The following LSAMP variants were observed in gnomAD, a reference collection of about 807,000 sequenced individuals.
LSAMP encodes the protein limbic system associated membrane protein.
Under a neutral mutation model 38.6 loss-of-function variants are expected in LSAMP, and 7 were observed. The ratio of observed to expected loss-of-function variants is 0.18; its 90% CI spans 0.10 to 0.34. The LOEUF (loss-of-function observed/expected upper bound fraction) is 0.34. Ranked by LOEUF, LSAMP falls within the 10% of genes least tolerant of loss-of-function variation. The pLI, the probability that LSAMP is intolerant of heterozygous loss-of-function variation, is 1.00. For missense variants in LSAMP, 313 were observed against 420.0 expected (o/e 0.75, Z 2.23); for synonymous variants, 154 against 166.8 (o/e 0.92, Z 0.59).
intron 1 of LSAMP, among the ~76,000 whole-genome samples, chr3:116,288,931 C>A (rs530294907): frequency 6.6e-6 from 1 of 152,102 alleles, no homozygotes. Context: ...ATGTTTAAAC[C>A]ATTTCACACA....
chr3:115,923,863 AT>A (rs1187161663), intron 3 of LSAMP, among the ~76,000 whole-genome samples: 4 of 152,124 alleles, frequency 2.6e-5, no homozygotes, highest in Non-Finnish European at 5.9e-5. Context: ...TCATTTTTAT[AT>A]TAGCATTCAT....
intron 1 of LSAMP, among the ~76,000 whole-genome samples, chr3:116,358,131 G>T (rs986892135): frequency 6.6e-6 from 1 of 152,088 alleles, no homozygotes; most frequent in African/African-American, 2.4e-5. Flanking sequence ...TCTAGATAGA[G>T]AATGCTTCAT....
At chr3:116,082,568 C>G (rs1707894443) in intron 2 of LSAMP, among the ~76,000 whole-genome samples, 1 of 152,152 alleles carries the variant, frequency 6.6e-6, no homozygotes, top group South Asian at 2.1e-4. Context: ...TTAAGAAGCT[C>G]TCTATGGTAG....
At chr3:116,173,406 G>T (rs1434729007) in intron 1 of LSAMP, among the ~76,000 whole-genome samples, 1 of 151,922 alleles carries the variant, frequency 6.6e-6, no homozygotes, top group Admixed American at 6.6e-5. Flanking sequence ...GACCAACTTG[G>T]GGATAACAAA....
At chr3:116,182,811 G>T (rs916942215) in intron 1 of LSAMP, among the ~76,000 whole-genome samples, 60 of 151,806 alleles carry the variant, frequency 4.0e-4, no homozygotes, top group African/African-American at 1.4e-3. Context: ...TCTCATAATA[G>T]ATATATTTCT....
chr3:116,388,901 A>G (rs1036070085), intron 1 of LSAMP, among the ~76,000 whole-genome samples: 1 of 152,198 alleles, frequency 6.6e-6, no homozygotes, highest in African/African-American at 2.4e-5. Flanking sequence ...AAAACAACAA[A>G]AACGACAAGA....
chr3:116,000,116 C>CT (rs1317933070), intron 3 of LSAMP, among the ~76,000 whole-genome samples: 2 of 152,100 alleles, frequency 1.3e-5, no homozygotes, highest in Admixed American at 1.3e-4. Context: ...AGATTCAAGC[C>CT]AGATTTTCTC....
intron 1 of LSAMP, among the ~76,000 whole-genome samples, chr3:116,352,729 T>C (rs2048159145): frequency 6.6e-6 from 1 of 152,140 alleles, no homozygotes; most frequent in Non-Finnish European, 1.5e-5. Flanking sequence ...TAACTAATTA[T>C]AAAATATATC....
At chr3:116,155,133 T>C (rs1424893308) in intron 1 of LSAMP, among the ~76,000 whole-genome samples, 1 of 152,146 alleles carries the variant, frequency 6.6e-6, no homozygotes, top group Non-Finnish European at 1.5e-5. Flanking sequence ...ATGCTAGTTA[T>C]AATCATTTAT....
chr3:116,168,795 TTTTAA>T (rs763948676), intron 1 of LSAMP, among the ~76,000 whole-genome samples: 3 of 152,190 alleles, frequency 2.0e-5, no homozygotes, highest in African/African-American at 7.2e-5. Context: ...AGGTACCAGT[TTTTAA>T]TTTAATTCCC....
At chr3:116,088,201 T>C (rs747257920) in intron 1 of LSAMP, among the ~76,000 whole-genome samples, 1 of 152,182 alleles carries the variant, frequency 6.6e-6, no homozygotes, top group Non-Finnish European at 1.5e-5. Flanking sequence ...TTTGACTTAA[T>C]AAGTTGGGTG....
At chr3:116,184,286 T>G in intron 1 of LSAMP, among the ~76,000 whole-genome samples, 1 of 151,988 alleles carries the variant, frequency 6.6e-6, no homozygotes, top group East Asian at 1.9e-4. Context: ...AGTTTACAGA[T>G]GAGAAAAGAG....
At chr3:116,293,833 T>A (rs1175485092) in intron 1 of LSAMP, among the ~76,000 whole-genome samples, 1 of 152,074 alleles carries the variant, frequency 6.6e-6, no homozygotes, top group African/African-American at 2.4e-5. Flanking sequence ...ACGGTTTTAG[T>A]TATATGCATG....
chr3:116,183,696 TTA>T (rs1029991094), intron 1 of LSAMP, among the ~76,000 whole-genome samples: 2 of 151,846 alleles, frequency 1.3e-5, no homozygotes, highest in African/African-American at 2.4e-5. Context: ...GGGGTCATCT[TTA>T]TATTTTAGTG....
intron 3 of LSAMP, among the ~76,000 whole-genome samples, chr3:116,017,220 G>A (rs1278823911): frequency 1.3e-5 from 2 of 152,082 alleles, no homozygotes; most frequent in Non-Finnish European, 2.9e-5. Context: ...GGGATAAAAA[G>A]GAATCTATCT....
At chr3:116,239,511 T>TATTA (rs1333121576) in intron 1 of LSAMP, among the ~76,000 whole-genome samples, 2 of 152,250 alleles carry the variant, frequency 1.3e-5, no homozygotes, top group Admixed American at 6.5e-5. Context: ...CAAGATAGTA[T>TATTA]ATTAGGGAAT....
chr3:115,972,493 A>G (rs904628716), intron 3 of LSAMP, among the ~76,000 whole-genome samples: 17 of 151,830 alleles, frequency 1.1e-4, no homozygotes, highest in African/African-American at 3.9e-4. Context: ...TTTTTAATAT[A>G]TTTAAAATAT....
chr3:116,281,154 A>G (rs77689723), intron 1 of LSAMP, among the ~76,000 whole-genome samples: 3,387 of 152,312 alleles, frequency 0.022, 48 homozygotes, highest in Middle Eastern at 0.085. Flanking sequence ...ACAGAAAATT[A>G]GAACAGAAGA....
intron 1 of LSAMP, among the ~76,000 whole-genome samples, chr3:116,406,797 AAG>A (rs1408052416): frequency 2.0e-5 from 3 of 152,048 alleles, no homozygotes; most frequent in Non-Finnish European, 2.9e-5. Context: ...GAACAAAATA[AAG>A]AGAGTAACAG....
Sources: gnomAD v4.1 joint callset for allele counts (sites outside exome capture counted in the v4.1 genomes callset) on GRCh38, gnomAD v4.1.1 for gene constraint, MANE v1.5 for transcripts, NCBI Gene and HGNC (gene_info 2026-07-23, HGNC 2026-07-21) for gene names.